The following IRGM variants were observed in gnomAD, a reference collection of about 807,000 sequenced individuals.
IRGM encodes immunity-related GTPase family M protein.
For missense variants in IRGM, 288 were observed against 219.9 expected (o/e 1.31, Z -1.96); for synonymous variants, 98 against 80.6 (o/e 1.22, Z -1.16).
At chr5:150,859,254 G>C (rs1283134023) in intron 1 of IRGM, among the ~76,000 whole-genome samples, 1 of 152,180 alleles carries the variant, frequency 6.6e-6, no homozygotes, top group Admixed American at 6.5e-5. Context: ...TGTTGAACCA[G>C]CCTTGCATCC....
intron 3 of IRGM, chr5:150,898,210 T>C (rs376033968): frequency 8.1e-6 from 13 of 1,611,536 alleles, no homozygotes; most frequent in Non-Finnish European, 1.1e-5. Context: ...CACAGAGAAT[T>C]GAGATTGACT....
Position 150,895,681 on chromosome 5 carries a change from G to A in IRGM, c.*141-4908G>A, listed in dbSNP as rs1393434002. Reference sequence around the variant, plus strand: ...TTCCCACATTCAGTACATATATAAGGTTTTTCTCCTGTGTGAATTCTCTGA... The same window carrying A: ...TTCCCACATTCAGTACATATATAAGATTTTTCTCCTGTGTGAATTCTCTGA... On this transcript the variant is annotated intron_variant and NMD_transcript_variant, in intron 3 of 3. Transcript: ENST00000520549. The A allele has an allele frequency of 1.7e-5, 27 of 1,613,354 alleles. No individual in the cohort carries two copies. The Admixed American group carries it at 4.5e-4, about 27-fold the overall frequency.
downstream of IRGM, among the ~76,000 whole-genome samples, chr5:150,849,241 A>G (rs1423609359): frequency 6.6e-6 from 1 of 152,236 alleles, no homozygotes; most frequent in East Asian, 1.9e-4. Flanking sequence ...AAGGGTTCTA[A>G]GTTCTTGTTT....
intron 1 of IRGM, among the ~76,000 whole-genome samples, chr5:150,876,939 A>G (rs1259620506): frequency 6.6e-6 from 1 of 151,554 alleles, no homozygotes; most frequent in Non-Finnish European, 1.5e-5. Context: ...AAAATATTTT[A>G]TTTCCTTTTT....
intron 3 of IRGM, among the ~76,000 whole-genome samples, chr5:150,889,191 GACAAAGACAT>G (rs1420947917): frequency 6.6e-6 from 1 of 151,578 alleles, no homozygotes; most frequent in Non-Finnish European, 1.5e-5. Context: ...TCATGCTGCT[GACAAAGACAT>G]ACCCAAGACT....
At chr5:150,897,030 A>C in intron 3 of IRGM, 1 of 1,367,484 alleles carries the variant, frequency 7.3e-7, no homozygotes, top group South Asian at 1.4e-5. Flanking sequence ...TAAGAGGGTA[A>C]AGAAGTAGAA....
intron 1 of IRGM, among the ~76,000 whole-genome samples, chr5:150,859,637 C>T (rs1184134043): frequency 1.3e-5 from 2 of 152,158 alleles, no homozygotes; most frequent in African/African-American, 4.8e-5. Flanking sequence ...GATTCAACTT[C>T]TTCCTGGTTT....
In IRGM at chr5:150,896,176, A is replaced by G. The variant is rs1754767328; in HGVS notation, c.*141-4413A>G. 3 of 1,613,580 alleles carry G rather than the reference A, an allele frequency of 1.9e-6. No individual in the cohort carries two copies. The East Asian group carries it at 6.7e-5, about 36-fold the overall frequency. On this transcript the variant is annotated intron_variant and NMD_transcript_variant, in intron 3 of 3. Coordinates refer to the IRGM transcript ENST00000520549. ...GAGAAGGCTTTCCCGCATTCACTAC[A>G]TTCATAGGGTTTTTCCCCAGTGTGA...
chr5:150,868,311 A>G (rs528762760), intron 1 of IRGM, among the ~76,000 whole-genome samples: 47 of 152,138 alleles, frequency 3.1e-4, no homozygotes, highest in African/African-American at 1.1e-3. Context: ...TGGGTTCTCT[A>G]TTCTATTTCA....
chr5:150,880,250 A>AG (rs1273839595), intron 3 of IRGM, among the ~76,000 whole-genome samples: 2 of 152,162 alleles, frequency 1.3e-5, no homozygotes, highest in Non-Finnish European at 2.9e-5. Flanking sequence ...ATATTCCTAA[A>AG]GTGAGGGTCC....
At chr5:150,856,843 T>A (rs1245976750) in intron 1 of IRGM, among the ~76,000 whole-genome samples, 1 of 148,476 alleles carries the variant, frequency 6.7e-6, no homozygotes, top group Admixed American at 6.7e-5. Context: ...TTTCTTTTTT[T>A]ATTTTATTTT....
chr5:150,888,793 G>A (rs1754562523), intron 3 of IRGM, among the ~76,000 whole-genome samples: 1 of 151,978 alleles, frequency 6.6e-6, no homozygotes, highest in South Asian at 2.1e-4. Context: ...CACAGCTAAG[G>A]CAGTTCATTG....
At chr5:150,884,341 T>C (rs1006247722) in intron 3 of IRGM, among the ~76,000 whole-genome samples, 2 of 152,118 alleles carry the variant, frequency 1.3e-5, no homozygotes, top group African/African-American at 4.8e-5. Flanking sequence ...TTAGGTTGAT[T>C]CCATGTCTTT....
At chr5:150,876,436 G>A (rs919408194) in intron 1 of IRGM, among the ~76,000 whole-genome samples, 8 of 152,102 alleles carry the variant, frequency 5.3e-5, no homozygotes, top group South Asian at 2.1e-4. Flanking sequence ...AAACAATAAC[G>A]ATTCAATTTA....
chr5:150,898,524 C>A (rs1443801507), intron 3 of IRGM: 1 of 1,612,700 alleles, frequency 6.2e-7, no homozygotes. Flanking sequence ...TGGGTGAAAT[C>A]CACAGCCACA....
chr5:150,867,110 C>A (rs908526774), intron 1 of IRGM, among the ~76,000 whole-genome samples: 1 of 152,120 alleles, frequency 6.6e-6, no homozygotes, highest in Admixed American at 6.6e-5. Context: ...ATTTTGTGCA[C>A]TCATCACCCG....
intron 3 of IRGM, chr5:150,897,313 A>C (rs1754830091): frequency 5.1e-6 from 1 of 195,292 alleles, no homozygotes; most frequent in Non-Finnish European, 1.0e-5. Flanking sequence ...ATCATGTGCT[A>C]CACATTCTTA....
At chr5:150,884,208 A>C (rs1211929276) in intron 3 of IRGM, among the ~76,000 whole-genome samples, 1 of 152,064 alleles carries the variant, frequency 6.6e-6, no homozygotes, top group Non-Finnish European at 1.5e-5. Context: ...TTCATAAGGA[A>C]AAATATACTT....
At chr5:150,861,483 AG>A (rs1754135228) in intron 1 of IRGM, among the ~76,000 whole-genome samples, 1 of 152,228 alleles carries the variant, frequency 6.6e-6, no homozygotes, top group Admixed American at 6.5e-5. Context: ...GGACTAAATG[AG>A]GGGAACACCA....
Sources: gnomAD v4.1 joint callset for allele counts (sites outside exome capture counted in the v4.1 genomes callset) on GRCh38, gnomAD v4.1.1 for gene constraint, MANE v1.5 for transcripts, NCBI Gene and HGNC (gene_info 2026-07-23, HGNC 2026-07-21) for gene names.